Variants in RASGRF2 observed in about 807,000 individuals in gnomAD.
RASGRF2 encodes the protein ras-specific guanine nucleotide-releasing factor 2.
Under a neutral mutation model 151.0 loss-of-function variants are expected in RASGRF2, and 76 were observed. The ratio of observed to expected loss-of-function variants is 0.50; its 90% CI spans 0.42 to 0.61. RASGRF2 has a LOEUF of 0.61. RASGRF2 is among the 20% of genes least tolerant of loss of function. The pLI, the probability that RASGRF2 is intolerant of heterozygous loss-of-function variation, is 0.00. For synonymous variants in RASGRF2, 504 were observed against 566.5 expected, an observed-to-expected ratio of 0.89 and a Z score of 1.57; for missense variants, 1,148 against 1,564.6, an observed-to-expected ratio of 0.73 and a Z score of 4.49.
chr5:81,007,196 A>C (rs917940767), intron 1 of RASGRF2, among the ~76,000 whole-genome samples: 2 of 152,160 alleles, frequency 1.3e-5, no homozygotes, highest in Non-Finnish European at 2.9e-5. Context: ...GCTTTCAGGA[A>C]ACCTGCAGAA....
At chr5:81,059,902 T>C (rs892189062) in intron 2 of RASGRF2, among the ~76,000 whole-genome samples, 3 of 151,258 alleles carry the variant, frequency 2.0e-5, no homozygotes, top group African/African-American at 7.3e-5. Flanking sequence ...ATAAAGAAAA[T>C]AGGTTTAATT....
Position 81,113,822 on chromosome 5 carries a change from G to T in RASGRF2, c.2372G>T (p.Gly791Val), listed in dbSNP as rs572092258. The part of the protein sequence containing the change: ...TGQIPLDLSR[G>V]LSSPEQSPGT... Reference sequence around the variant, plus strand: ...CAGATACCACTGGATCTCAGCAGAGGCCTCTCTTCTCCAGAGCAAAGCCCG... The same window carrying T: ...CAGATACCACTGGATCTCAGCAGAGTCCTCTCTTCTCCAGAGCAAAGCCCG... The change falls in exon 15 of 27, where the codon GGC becomes GTC. Residue 791 changes from glycine to valine, a missense_variant. This residue lies in a region of RASGRF2 where 646 missense variants were observed against 807.4 expected (regional missense o/e 0.80). Coordinates refer to ENST00000265080, the MANE Select transcript of RASGRF2 (RefSeq NM_006909.3). 1.4e-5 allele frequency: 22 copies of T among 1,614,176 alleles called. No individual in the cohort carries two copies. The South Asian group carries it at 2.0e-4, about 15-fold the overall frequency.
intron 17 of RASGRF2, among the ~76,000 whole-genome samples, chr5:81,169,997 TCACCTGCATCACCTGCAC>T (rs1322603921): frequency 2.0e-4 from 5 of 25,438 alleles, no homozygotes; most frequent in African/African-American, 5.4e-4. Context: ...ACCACCTGCA[TCACCTGCATCACCTGCAC>T]CACCTGCACC....
chr5:81,139,494 A>G (rs772196659), intron 17 of RASGRF2, among the ~76,000 whole-genome samples: 2 of 150,522 alleles, frequency 1.3e-5, no homozygotes, highest in African/African-American at 2.4e-5. Flanking sequence ...CCAGATAGCT[A>G]GGATTACAGG....
In RASGRF2 at chr5:81,042,967, G is replaced by A. The variant is rs142354428; in HGVS notation, c.379G>A (p.Ala127Thr). Reference protein sequence around the residue: ...EEQDGKEWMEAIHQASYADIL... With the variant: ...EEQDGKEWMETIHQASYADIL... ...GCAGGATGGTAAAGAGTGGATGGAG[G>A]CCATTCACCAAGCCAGGTATAGGCT... is the stretch of plus-strand genomic sequence containing the variant. Residue 127 changes from alanine (A) to threonine (T), a missense_variant, in exon 2 of 27, where the codon GCC becomes ACC. Coordinates refer to ENST00000265080, the MANE Select transcript of RASGRF2 (RefSeq NM_006909.3). 235 of 1,611,356 alleles carry A rather than the reference G, an allele frequency of 1.5e-4. 1 individual carries two copies. The African/African-American group carries it at 3.1e-3, about 21-fold the overall frequency.
At chr5:81,060,151 A>G (rs1751381947) in intron 2 of RASGRF2, among the ~76,000 whole-genome samples, 1 of 152,216 alleles carries the variant, frequency 6.6e-6, no homozygotes, top group Non-Finnish European at 1.5e-5. Context: ...CCCATGATCC[A>G]CACATGACCC....
At chr5:81,116,764 C>G (rs1183128400) in intron 15 of RASGRF2, among the ~76,000 whole-genome samples, 1 of 152,170 alleles carries the variant, frequency 6.6e-6, no homozygotes, top group Non-Finnish European at 1.5e-5. Context: ...GTTTAAGTAC[C>G]TCATATATGT....
At chr5:80,996,521 C>CTTCTTCTTCTTCTTCTTCTTCTT (rs1561544850) in intron 1 of RASGRF2, among the ~76,000 whole-genome samples, 4 of 24,690 alleles carry the variant, frequency 1.6e-4, no homozygotes, top group Non-Finnish European at 3.2e-4. Context: ...CTCCTCCTCC[C>CTTCTTCTTCTTCTTCTTCTTCTT]CCTCCTCCTC....
intron 1 of RASGRF2, among the ~76,000 whole-genome samples, chr5:81,013,152 G>C (rs143189751): frequency 6.6e-6 from 1 of 152,192 alleles, no homozygotes; most frequent in South Asian, 2.1e-4. Flanking sequence ...TTACTTGGCT[G>C]ACTCAGTCTC....
chr5:81,036,705 T>C (rs950199239), intron 1 of RASGRF2, among the ~76,000 whole-genome samples: 3 of 152,176 alleles, frequency 2.0e-5, no homozygotes, highest in African/African-American at 4.8e-5. Flanking sequence ...CCTTTCTAGA[T>C]ACTCCCATCT....
chr5:81,072,275 TG>T (rs1751799859), intron 4 of RASGRF2, among the ~76,000 whole-genome samples: 1 of 152,228 alleles, frequency 6.6e-6, no homozygotes. Flanking sequence ...TGTTAAAATG[TG>T]GTTAATTTTT....
intron 5 of RASGRF2, among the ~76,000 whole-genome samples, chr5:81,078,486 G>A (rs1464764201): frequency 2.0e-5 from 3 of 152,148 alleles, no homozygotes; most frequent in Admixed American, 2.0e-4. Context: ...ATATGAGTGA[G>A]AACATGTGAT....
chr5:81,225,312 A>G (rs1331497188), intron 26 of RASGRF2, among the ~76,000 whole-genome samples: 2 of 152,224 alleles, frequency 1.3e-5, no homozygotes, highest in African/African-American at 4.8e-5. Context: ...GCTCTCTCCA[A>G]CCTATCATTA....
intron 15 of RASGRF2, 120 bp downstream of exon 15, chr5:81,114,040 T>G (rs1009998574): frequency 1.6e-6 from 2 of 1,281,442 alleles, no homozygotes; most frequent in Non-Finnish European, 2.1e-6. Flanking sequence ...GCATAGAAAG[T>G]AGAATGAGCT....
chr5:81,040,780 A>AT (rs1750654188), intron 1 of RASGRF2, among the ~76,000 whole-genome samples: 1 of 151,962 alleles, frequency 6.6e-6, no homozygotes, highest in African/African-American at 2.4e-5. Context: ...CCAGTTTGGG[A>AT]TTTTCCCTCA....
In RASGRF2 at chr5:81,066,059, T is replaced by G. The variant is rs369606182; in HGVS notation, c.396-1973T>G. 5.9e-5 allele frequency among the ~76,000 whole-genome samples: 9 copies of G among 152,274 alleles called. No homozygotes were observed. In the East Asian group the frequency reaches 1.7e-3, roughly 29 times the overall value. Reference sequence around the variant, plus strand: ...ATACTGCTTTGCTACCTAACACTGATGTAATATATTTGTAACCAATTTGGC... The same window carrying G: ...ATACTGCTTTGCTACCTAACACTGAGGTAATATATTTGTAACCAATTTGGC... On this transcript the variant is annotated intron_variant, in intron 2 of 26. Transcript: ENST00000265080.
chr5:80,960,565 G>C lies in RASGRF2; in HGVS notation c.-174G>C. On this transcript the variant is annotated 5_prime_UTR_variant, in exon 1 of 27. Transcript: ENST00000265080. This position sits in a 1 kb window ranked among gnomAD's most constrained non-coding sequence, Gnocchi z 5.5. Reference sequence around the variant, plus strand: ...GGCCCCAGCCCGCGCCCCTGCCACCGCGCGCCGCGGCCTCCCGAAAGCGGG... The same window carrying C: ...GGCCCCAGCCCGCGCCCCTGCCACCCCGCGCCGCGGCCTCCCGAAAGCGGG... The C allele has an allele frequency of 2.0e-6, 1 of 488,014 alleles. No individual in the cohort carries two copies. Among genetic ancestry groups the C allele is most frequent in the Non-Finnish European group, 3.1e-6 (1 of 323,252 alleles). The allele number at this position is 488,014 out of a possible 1,614,324, so 30.2% of individuals were successfully genotyped here.
At chr5:81,121,332 C>T (rs1324032304) in intron 15 of RASGRF2, among the ~76,000 whole-genome samples, 1 of 152,216 alleles carries the variant, frequency 6.6e-6, no homozygotes, top group Non-Finnish European at 1.5e-5. Context: ...TACAACCCCA[C>T]ACCACCTCAT....
intron 18 of RASGRF2, among the ~76,000 whole-genome samples, chr5:81,186,838 T>G (rs1755037037): frequency 6.6e-6 from 1 of 152,138 alleles, no homozygotes; most frequent in African/African-American, 2.4e-5. Flanking sequence ...GTTGGAGGTG[T>G]GAAGTTAGGG....
Sources: allele counts gnomAD v4.1 joint callset (sites outside exome capture counted in the v4.1 genomes callset), GRCh38; gene constraint gnomAD v4.1.1; regional missense constraint gnomAD v4.1.1; non-coding constraint Gnocchi (gnomAD v3.1); transcripts MANE v1.5; gene names NCBI Gene and HGNC (gene_info 2026-07-23, HGNC 2026-07-21).